Variants in MAGI2 observed in about 807,000 individuals in gnomAD.
MAGI2 encodes the protein membrane-associated guanylate kinase, WW and PDZ domain-containing protein 2.
In MAGI2, 35 loss-of-function variants were observed where a neutral mutation model predicts 133.3. The observed-to-expected ratio is 0.26, with a 90% CI of 0.20 to 0.35. The LOEUF (loss-of-function observed/expected upper bound fraction) is 0.35. MAGI2 is among the 10% of genes least tolerant of loss of function. MAGI2 has a pLI of 1.00. For synonymous variants in MAGI2, 729 were observed against 710.6 expected (o/e 1.03, Z -0.41); for missense variants, 1,636 against 1,863.4 (o/e 0.88, Z 2.25).
intron 3 of MAGI2, among the ~76,000 whole-genome samples, chr7:78,582,761 T>C (rs1012068895): frequency 2.0e-5 from 3 of 152,204 alleles, no homozygotes; most frequent in Non-Finnish European, 4.4e-5. Flanking sequence ...AATTATAACA[T>C]AGACTCCTCT....
chr7:78,601,041 A>G (rs1805148580), intron 3 of MAGI2, among the ~76,000 whole-genome samples: 1 of 152,192 alleles, frequency 6.6e-6, no homozygotes, highest in African/African-American at 2.4e-5. Flanking sequence ...AGTAAAATAC[A>G]TTTATCTGAC....
chr7:79,269,807 C>G (rs984143195), intron 1 of MAGI2, among the ~76,000 whole-genome samples: 1 of 152,140 alleles, frequency 6.6e-6, no homozygotes. Context: ...AATAGCCCTT[C>G]TTTAAAAAAT....
intron 2 of MAGI2, among the ~76,000 whole-genome samples, chr7:78,851,407 C>T (rs1335699697): frequency 6.6e-6 from 1 of 151,908 alleles, no homozygotes; most frequent in Non-Finnish European, 1.5e-5. Flanking sequence ...GAGTAACTGT[C>T]TCAGACAGTG....
At chr7:78,750,700 A>G (rs4730487) in intron 2 of MAGI2, among the ~76,000 whole-genome samples, 117,657 of 152,050 alleles carry the variant, frequency 0.77, 46,069 homozygotes, top group Non-Finnish European at 0.85. Context: ...GGTGGGCTAG[A>G]GAAATCATAG....
intron 1 of MAGI2, among the ~76,000 whole-genome samples, chr7:79,392,614 G>T (rs368410567): frequency 6.6e-6 from 1 of 152,190 alleles, no homozygotes; most frequent in Admixed American, 6.5e-5. Context: ...GATCAGTGAT[G>T]ATTAGCTTTT....
At chr7:79,116,971 A>G (rs575021206) in intron 1 of MAGI2, among the ~76,000 whole-genome samples, 2 of 152,334 alleles carry the variant, frequency 1.3e-5, no homozygotes, top group South Asian at 2.1e-4. Flanking sequence ...ACCCAGCCTC[A>G]GGGAGTTACA....
rs1212697459 is a variant in MAGI2 at position 78,369,072 on chromosome 7, G to A, written c.1103+84C>T. The stretch of plus-strand genomic sequence containing the variant: ...GATGAAAGGGAAATGAAGGGGCTGT[G>A]AGCCACACATGCTCAATAAATAAAA... On this transcript the variant is annotated intron_variant, in intron 7 of 21. Transcript: ENST00000354212. 32 of 944,014 alleles carry A rather than the reference G, an allele frequency of 3.4e-5. No individual in the cohort carries two copies. The East Asian group carries it at 3.7e-4, about 11-fold the overall frequency. The allele number at this position is 944,014 out of a possible 1,614,324, so 58.5% of individuals were successfully genotyped here.
At chr7:78,522,182 C>T (rs1439709443) in intron 3 of MAGI2, among the ~76,000 whole-genome samples, 1 of 152,162 alleles carries the variant, frequency 6.6e-6, no homozygotes, top group Non-Finnish European at 1.5e-5. Context: ...TGGCTGCTGA[C>T]AGTGCGCCTG....
In MAGI2 at chr7:78,376,582, AT is replaced by A. The variant is rs1478917460; in HGVS notation, c.1046-7370del. On this transcript the variant is annotated intron_variant, in intron 6 of 21. Coordinates refer to ENST00000354212, the MANE Select transcript of MAGI2 (RefSeq NM_012301.4). ...GATGAAAGATGTGATTGCAGAGAAA[AT>A]TTCAAATAAATTTATTCATTAATAT... Among the ~76,000 whole-genome samples, 4 of 152,128 alleles carry A rather than the reference AT, an allele frequency of 2.6e-5. No homozygotes were observed. In the East Asian group the frequency reaches 7.7e-4, roughly 29 times the overall value.
At chr7:78,924,873 A>G (rs922960158) in intron 2 of MAGI2, among the ~76,000 whole-genome samples, 1 of 150,998 alleles carries the variant, frequency 6.6e-6, no homozygotes, top group Non-Finnish European at 1.5e-5. Flanking sequence ...TATTATTATT[A>G]TTAGGAACAA....
At chr7:79,242,254 A>G (rs1832470935) in intron 1 of MAGI2, among the ~76,000 whole-genome samples, 1 of 152,200 alleles carries the variant, frequency 6.6e-6, no homozygotes, top group East Asian at 1.9e-4. Flanking sequence ...CACAATGTAT[A>G]TATATATCAT....
chr7:78,365,264 T>C (rs1793258160), intron 7 of MAGI2, among the ~76,000 whole-genome samples: 1 of 152,156 alleles, frequency 6.6e-6, no homozygotes, highest in Admixed American at 6.5e-5. Flanking sequence ...CCTCACATTG[T>C]TGGGCATTCT....
At chr7:78,264,874 A>T (rs1793847103) in intron 9 of MAGI2, among the ~76,000 whole-genome samples, 2 of 152,184 alleles carry the variant, frequency 1.3e-5, no homozygotes, top group Non-Finnish European at 2.9e-5. Context: ...GCAGTTAAAC[A>T]GGTAAGTGAT....
chr7:78,150,497 T>G (rs1205107973), intron 16 of MAGI2, among the ~76,000 whole-genome samples: 1 of 152,196 alleles, frequency 6.6e-6, no homozygotes, highest in Non-Finnish European at 1.5e-5. Context: ...TGAATTTACT[T>G]GAACCTAATG....
At chr7:78,860,464 G>T (rs993049425) in intron 2 of MAGI2, among the ~76,000 whole-genome samples, 1 of 152,204 alleles carries the variant, frequency 6.6e-6, no homozygotes, top group African/African-American at 2.4e-5. Context: ...CCTTCTAACA[G>T]TCAGGACCCT....
chr7:78,214,749 C>T (rs1788099915), intron 10 of MAGI2, among the ~76,000 whole-genome samples: 1 of 152,020 alleles, frequency 6.6e-6, no homozygotes, highest in South Asian at 2.1e-4. Flanking sequence ...GGAGATAAAG[C>T]ACAAAAATCA....
intron 10 of MAGI2, among the ~76,000 whole-genome samples, chr7:78,212,586 C>T (rs1206579180): frequency 6.6e-6 from 1 of 152,204 alleles, no homozygotes; most frequent in Non-Finnish European, 1.5e-5. Context: ...GACATCTGTG[C>T]TGGATTTCTG....
intron 16 of MAGI2, among the ~76,000 whole-genome samples, chr7:78,149,901 T>C (rs943560867): frequency 3.9e-5 from 6 of 152,022 alleles, no homozygotes; most frequent in African/African-American, 1.2e-4. Flanking sequence ...GATTGAAAAA[T>C]GAAAATGGCA....
chr7:79,274,584 A>AC (rs1563068822), intron 1 of MAGI2, among the ~76,000 whole-genome samples: 10 of 87,084 alleles, frequency 1.1e-4, no homozygotes, highest in Non-Finnish European at 2.8e-4. Context: ...TATATTATAT[A>AC]TTTTTTTTCA....
Sources: gnomAD v4.1 joint callset for allele counts (sites outside exome capture counted in the v4.1 genomes callset) on GRCh38, gnomAD v4.1.1 for gene constraint, MANE v1.5 for transcripts, NCBI Gene and HGNC (gene_info 2026-07-23, HGNC 2026-07-21) for gene names.